Variants in MLLT10 observed in about 807,000 individuals in gnomAD.
MLLT10 encodes protein AF-10.
A neutral mutation model predicts 129.1 loss-of-function variants in MLLT10; 30 were observed. The observed-to-expected ratio is 0.23, with a 90% CI of 0.17 to 0.32. The LOEUF (loss-of-function observed/expected upper bound fraction) is 0.32, where lower values mean the gene tolerates loss of function less well. Ranked by LOEUF, MLLT10 falls within the 10% of genes least tolerant of loss-of-function variation. The pLI is 1.00. For synonymous variants in MLLT10, 490 were observed against 446.4 expected, an observed-to-expected ratio of 1.10 and a Z score of -1.23; for missense variants, 1,119 against 1,268.3, an observed-to-expected ratio of 0.88 and a Z score of 1.79.
chr10:21,710,119 T>C (rs1287730354), intron 13 of MLLT10, among the ~76,000 whole-genome samples: 1 of 152,246 alleles, frequency 6.6e-6, no homozygotes, highest in Non-Finnish European at 1.5e-5. Flanking sequence ...TGATCTATTT[T>C]TGTTTGTTTA....
chr10:21,717,900 C>CTCCTCCTCCTT (rs2056849847), intron 14 of MLLT10, among the ~76,000 whole-genome samples: 2 of 85,246 alleles, frequency 2.3e-5, no homozygotes, highest in African/African-American at 8.3e-5. Flanking sequence ...TCCTCCTCCT[C>CTCCTCCTCCTT]CTCCTCCTCC....
chr10:21,608,377 AT>A (rs2044272015), intron 5 of MLLT10, among the ~76,000 whole-genome samples: 1 of 150,984 alleles, frequency 6.6e-6, no homozygotes, highest in Non-Finnish European at 1.5e-5. Flanking sequence ...AGGTTTTGCT[AT>A]GTTTTCCAGG....
At chr10:21,544,921 G>T (rs572909960) in intron 3 of MLLT10, among the ~76,000 whole-genome samples, 1 of 152,194 alleles carries the variant, frequency 6.6e-6, no homozygotes. Flanking sequence ...CGAGGCGGGC[G>T]GATCACCTGA....
At chr10:21,711,998 TGCCTG>T (rs2056136586) in intron 13 of MLLT10, among the ~76,000 whole-genome samples, 1 of 152,170 alleles carries the variant, frequency 6.6e-6, no homozygotes, top group South Asian at 2.1e-4. Context: ...CTTAGAATAA[TGCCTG>T]GCAAATAATG....
chr10:21,703,436 T>C (rs974747791), intron 13 of MLLT10, among the ~76,000 whole-genome samples: 2 of 152,152 alleles, frequency 1.3e-5, no homozygotes, highest in African/African-American at 4.8e-5. Context: ...TCTTTGTCTT[T>C]GTCTTTAGAC....
intron 14 of MLLT10, among the ~76,000 whole-genome samples, chr10:21,715,475 G>A (rs1457285580): frequency 2.6e-5 from 4 of 152,164 alleles, no homozygotes; most frequent in Admixed American, 2.0e-4. Context: ...ATAAATGAAA[G>A]AATAGCTCCT....
intron 5 of MLLT10, among the ~76,000 whole-genome samples, chr10:21,610,984 CTTTTTTTT>C (rs71393913): frequency 1.7e-4 from 18 of 102,886 alleles, no homozygotes; most frequent in African/African-American, 6.1e-4. Context: ...TCTTTTTTCT[CTTTTTTTT>C]TTTTTTTTTT....
intron 3 of MLLT10, among the ~76,000 whole-genome samples, chr10:21,542,566 C>A (rs911824748): frequency 1.3e-5 from 2 of 152,036 alleles, no homozygotes; most frequent in African/African-American, 4.8e-5. Flanking sequence ...GAAACTCTGT[C>A]TCAAAAAAAT....
intron 21 of MLLT10, among the ~76,000 whole-genome samples, chr10:21,739,252 C>T (rs911375897): frequency 3.9e-5 from 6 of 152,298 alleles, no homozygotes; most frequent in South Asian, 2.1e-4. Flanking sequence ...CCACCCTTCC[C>T]GGGTCCTTGC....
At chr10:21,584,147 C>T (rs889780350) in intron 3 of MLLT10, among the ~76,000 whole-genome samples, 23 of 150,988 alleles carry the variant, frequency 1.5e-4, no homozygotes, top group African/African-American at 5.4e-4. Context: ...GGAATACAGG[C>T]GTCAGCCACC....
rs67833854 is a variant in MLLT10 at position 21,689,662 on chromosome 10, T to TA, written c.1699+7405_1699+7406insA. ...ACATTTATATATATATATATATATA[T>TA]TTTTTTTTTCTTGGCATGTTTTACC... is the stretch of plus-strand genomic sequence containing the variant. On this transcript the variant is annotated intron_variant, in intron 13 of 22. Transcript: ENST00000307729. 4.8e-3 allele frequency among the ~76,000 whole-genome samples: 653 copies of TA among 136,452 alleles called. 2 individuals carry two copies. Among genetic ancestry groups the TA allele is most frequent in the African/African-American group, 5.5e-3 (197 of 35,616 alleles). The allele number at this position is 136,452 out of a possible 152,430, so 89.5% of individuals were successfully genotyped here. A position where few individuals can be genotyped will look rare whatever the true frequency, so the allele number is the denominator to read the frequency against.
intron 18 of MLLT10, among the ~76,000 whole-genome samples, 163 bp downstream of exon 18, chr10:21,733,250 AATTTAACTT>A (rs2058094593): frequency 6.6e-6 from 1 of 152,218 alleles, no homozygotes; most frequent in Non-Finnish European, 1.5e-5. Context: ...GATCAACTTG[AATTTAACTT>A]TCTTAGTCCA....
intron 3 of MLLT10, chr10:21,556,772 C>G: frequency 6.2e-7 from 1 of 1,601,694 alleles, no homozygotes; most frequent in Non-Finnish European, 8.5e-7. Flanking sequence ...TTCTGGTGCT[C>G]TGATGCATTG....
chr10:21,555,604 G>T (rs1005057892), intron 3 of MLLT10, among the ~76,000 whole-genome samples: 6 of 151,812 alleles, frequency 4.0e-5, no homozygotes, highest in Non-Finnish European at 8.8e-5. Context: ...GTACTGTTTT[G>T]GCCTGTCTTT....
intron 22 of MLLT10, 49 bp from the exon 23 acceptor site, chr10:21,741,890 T>C (rs769527187): frequency 3.9e-5 from 61 of 1,573,670 alleles, no homozygotes; most frequent in Non-Finnish European, 4.9e-5. Context: ...CGGAGAATAT[T>C]ATCAAAAGTT....
intron 10 of MLLT10, 32 bp from the exon 11 acceptor site, chr10:21,673,318 C>CAGATT: frequency 3.3e-6 from 1 of 307,342 alleles, no homozygotes; most frequent in Non-Finnish European, 5.0e-6. Context: ...CACCCCCCAA[C>CAGATT]TTTTTTTTTT....
At chr10:21,734,231 C>T in intron 20 of MLLT10, 102 bp downstream of exon 20, 1 of 1,401,702 alleles carries the variant, frequency 7.1e-7, no homozygotes, top group East Asian at 2.3e-5. Flanking sequence ...GTAGATACAC[C>T]TTAAGAAGTC....
At chr10:21,697,489 T>A (rs1589696917) in intron 13 of MLLT10, among the ~76,000 whole-genome samples, 1 of 151,956 alleles carries the variant, frequency 6.6e-6, no homozygotes, top group East Asian at 1.9e-4. Flanking sequence ...AAAAAAAGTT[T>A]GTTGATGATT....
At chr10:21,714,638 TCTC>T (rs2056392475) in intron 14 of MLLT10, among the ~76,000 whole-genome samples, 1 of 152,122 alleles carries the variant, frequency 6.6e-6, no homozygotes, top group African/African-American at 2.4e-5. Context: ...TTCAAGCAAT[TCTC>T]CTGCCTCAGC....
Sources: allele counts gnomAD v4.1 joint callset (sites outside exome capture counted in the v4.1 genomes callset), GRCh38; gene constraint gnomAD v4.1.1; transcripts MANE v1.5; gene names NCBI Gene and HGNC (gene_info 2026-07-23, HGNC 2026-07-21).